UNC5A: variants seen among roughly 807,000 people sequenced by gnomAD.
UNC5A encodes netrin receptor UNC5A.
In UNC5A, 20 loss-of-function variants were observed where a neutral mutation model predicts 87.4. That is an observed-to-expected ratio of 0.23 (90% CI 0.16 to 0.33). The LOEUF is 0.33. Ranked by LOEUF, UNC5A falls within the 10% of genes least tolerant of loss-of-function variation. UNC5A has a pLI of 1.00. For synonymous variants in UNC5A, 438 were observed against 482.3 expected, an observed-to-expected ratio of 0.91 and a Z score of 1.20; for missense variants, 844 against 1,133.4, an observed-to-expected ratio of 0.74 and a Z score of 3.67.
At chr5:176,870,754 C>T (rs922532939) in intron 6 of UNC5A, among the ~76,000 whole-genome samples, 3 of 152,014 alleles carry the variant, frequency 2.0e-5, no homozygotes, top group African/African-American at 4.8e-5. Context: ...AGATTTGAAC[C>T]TTGATTCATG....
intron 2 of UNC5A, 67 bp downstream of exon 2, chr5:176,862,912 C>A: frequency 6.4e-7 from 1 of 1,564,564 alleles, no homozygotes; most frequent in Non-Finnish European, 8.7e-7. Context: ...CCCAGAGGAG[C>A]CTGCAGCTGC....
intron 1 of UNC5A, among the ~76,000 whole-genome samples, chr5:176,849,179 C>T (rs1172612505): frequency 6.6e-6 from 1 of 152,200 alleles, no homozygotes; most frequent in African/African-American, 2.4e-5. Context: ...CTGGCTTTGC[C>T]CTGCCGACTT....
chr5:176,826,632 C>T (rs1014955072), intron 1 of UNC5A, among the ~76,000 whole-genome samples: 2 of 139,052 alleles, frequency 1.4e-5, no homozygotes, highest in African/African-American at 2.6e-5. Context: ...ATCTAGTTTC[C>T]AAACTTTTTT....
intron 1 of UNC5A, among the ~76,000 whole-genome samples, chr5:176,813,825 G>A (rs1756526954): frequency 6.6e-6 from 1 of 152,206 alleles, no homozygotes; most frequent in African/African-American, 2.4e-5. Context: ...TGAGCTTGGG[G>A]TGGGGCTCCC....
chr5:176,855,984 C>T (rs538081889), intron 1 of UNC5A, among the ~76,000 whole-genome samples: 3 of 152,252 alleles, frequency 2.0e-5, no homozygotes, highest in Admixed American at 6.5e-5. Context: ...GGACGGCGCC[C>T]GCCACCAGGC....
chr5:176,859,253 GCCCTTGCTAGAGGGCATAGCTGCTACA>G (rs1561659529), intron 1 of UNC5A, among the ~76,000 whole-genome samples: 3 of 41,136 alleles, frequency 7.3e-5, no homozygotes, highest in South Asian at 7.3e-4. Flanking sequence ...CTGCTAGAAT[GCCCTTGCTAGAGGGCATAGCTGCTACA>G]ATGTCCTTGC....
At position 176,869,458 on chromosome 5, in the gene UNC5A, G is replaced by A. The variant is rs1053257404; in HGVS notation, c.721+494G>A. On this transcript the variant is annotated intron_variant, in intron 5 of 14. Coordinates refer to ENST00000329542, the MANE Select transcript of UNC5A (RefSeq NM_133369.3). The surrounding 1 kb of genome is among the most constrained non-coding windows in gnomAD (Gnocchi z 9.1). ...TGCTGCAGGGCCCGGGGGCCAGCAG[G>A]CACGAGCATGGCCTCCCCCAGGCCT... Among the ~76,000 whole-genome samples the A allele has an allele frequency of 1.3e-5, 2 of 152,108 alleles. No individual in the cohort carries two copies. Among genetic ancestry groups the A allele is most frequent in the African/African-American group, 4.8e-5 (2 of 41,418 alleles).
chr5:176,813,789 A>T (rs1213983438), intron 1 of UNC5A, among the ~76,000 whole-genome samples: 1 of 152,190 alleles, frequency 6.6e-6, no homozygotes, highest in African/African-American at 2.4e-5. Context: ...TGGAGCTCCG[A>T]GGCTTCACAA....
intron 1 of UNC5A, among the ~76,000 whole-genome samples, chr5:176,813,024 G>A (rs1320869314): frequency 1.3e-5 from 2 of 152,192 alleles, no homozygotes; most frequent in Non-Finnish European, 1.5e-5. Context: ...GGGCCAGCGC[G>A]ACTGACTGCA....
Position 176,874,609 on chromosome 5 carries a change from C to A in UNC5A, c.1378+43C>A. 6.7e-7 allele frequency: 1 copy of A among 1,493,210 alleles called. No individual in the cohort carries two copies. The highest frequency in any genetic ancestry group is 1.4e-5 in the South Asian group (1 of 72,304). 92.5% of individuals were successfully genotyped at this position (1,493,210 alleles called of 1,614,324 possible). A position where few individuals can be genotyped will look rare whatever the true frequency, so the allele number is the denominator to read the frequency against. On this transcript the variant is annotated intron_variant, in intron 8 of 14. Coordinates refer to ENST00000329542, the MANE Select transcript of UNC5A (RefSeq NM_133369.3). The surrounding 1 kb of genome is among the most constrained non-coding windows in gnomAD (Gnocchi z 7.6). ...GGGCTCTGAGAGCTCCACTTCCCTC[C>A]TGGAGGAGGACGGGACAGCCGGACG...
Position 176,828,873 on chromosome 5 carries a change from G to A in UNC5A, c.70+18053G>A, listed in dbSNP as rs147794657. Among the ~76,000 whole-genome samples, 873 of 151,960 alleles carry A rather than the reference G, an allele frequency of 5.7e-3. 9 individuals carry two copies. The highest frequency in any genetic ancestry group is 0.02 in the African/African-American group (822 of 41,448). On this transcript the variant is annotated intron_variant, in intron 1 of 14. Coordinates refer to ENST00000329542, the MANE Select transcript of UNC5A (RefSeq NM_133369.3). ...GGGCTGGGCGCGGTGGCTCATGCCT[G>A]TAATTCCAGCACTTTGGGAGGCCGA...
At chr5:176,835,239 A>G (rs1561646867) in intron 1 of UNC5A, among the ~76,000 whole-genome samples, 1 of 152,152 alleles carries the variant, frequency 6.6e-6, no homozygotes, top group Non-Finnish European at 1.5e-5. Flanking sequence ...GACTGAGGAG[A>G]TATATGCCCA....
intron 1 of UNC5A, among the ~76,000 whole-genome samples, chr5:176,820,500 A>G (rs1756701667): frequency 1.3e-5 from 2 of 152,164 alleles, no homozygotes. Context: ...ATATATCTGC[A>G]TTTGGCCATC....
At position 176,879,996 on chromosome 5, in the gene UNC5A, C is replaced by A. The variant is rs1018467947; in HGVS notation, c.*110C>A. 1.4e-6 allele frequency: 2 copies of A among 1,383,026 alleles called. No homozygotes were observed. The highest frequency in any genetic ancestry group is 2.5e-5 in the East Asian group (1 of 39,528). The allele number at this position is 1,383,026 out of a possible 1,614,324, so 85.7% of individuals were successfully genotyped here. On this transcript the variant is annotated 3_prime_UTR_variant, in exon 15 of 15. Coordinates refer to ENST00000329542, the MANE Select transcript of UNC5A (RefSeq NM_133369.3). Reference sequence around the variant, plus strand: ...CACCGGGGAGAGCTGCTCGGACAGGCCCCCTCCCGGCCGAAGCTGTCCCTT... The same window carrying A: ...CACCGGGGAGAGCTGCTCGGACAGGACCCCTCCCGGCCGAAGCTGTCCCTT...
intron 1 of UNC5A, among the ~76,000 whole-genome samples, chr5:176,834,293 C>T (rs1419988399): frequency 1.3e-5 from 2 of 152,204 alleles, no homozygotes; most frequent in Non-Finnish European, 2.9e-5. Context: ...AAGTGGCTCC[C>T]AGTTCCCCAG....
In UNC5A at chr5:176,841,560, C is replaced by T. The variant is rs1259346339; in HGVS notation, c.71-21064C>T. On this transcript the variant is annotated intron_variant, in intron 1 of 14. Transcript: ENST00000329542. The surrounding 1 kb of genome is among the most constrained non-coding windows in gnomAD (Gnocchi z 4.1). ...AATCTTGGTAGCACCTAATTCGTAA[C>T]GTTGCTGTGAGGATGAAATGAGAAG... Among the ~76,000 whole-genome samples the T allele has an allele frequency of 1.3e-5, 2 of 152,188 alleles. No homozygotes were observed. The highest frequency in any genetic ancestry group is 2.9e-5 in the Non-Finnish European group (2 of 68,022).
intron 1 of UNC5A, among the ~76,000 whole-genome samples, chr5:176,833,702 C>CT (rs1561645898): frequency 6.6e-6 from 1 of 150,966 alleles, no homozygotes; most frequent in Admixed American, 6.6e-5. Context: ...CTTTTTTTAT[C>CT]TTTTTTCTTT....
chr5:176,867,934 T>C (rs559318842), intron 2 of UNC5A, among the ~76,000 whole-genome samples, 196 bp from the exon 3 acceptor site: 2 of 152,058 alleles, frequency 1.3e-5, no homozygotes, highest in South Asian at 2.1e-4. Context: ...CAAGCGGCCC[T>C]TGGGCCCCCT....
intron 1 of UNC5A, among the ~76,000 whole-genome samples, chr5:176,822,441 G>A (rs567551135): frequency 6.6e-6 from 1 of 152,368 alleles, no homozygotes; most frequent in East Asian, 1.9e-4. Flanking sequence ...GGAATCTTGG[G>A]AAGGTGTTCA....
Sources: allele counts gnomAD v4.1 joint callset (sites outside exome capture counted in the v4.1 genomes callset), GRCh38; gene constraint gnomAD v4.1.1; non-coding constraint Gnocchi (gnomAD v3.1); transcripts MANE v1.5; gene names NCBI Gene and HGNC (gene_info 2026-07-23, HGNC 2026-07-21).